ATG7: variants seen among roughly 807,000 people sequenced by gnomAD.
ATG7 encodes the protein ubiquitin-like modifier-activating enzyme ATG7.
ATG7 carries 70 observed loss-of-function variants against 82.4 expected under a neutral mutation model. The observed-to-expected ratio is 0.85, with a 90% confidence interval of 0.70 to 1.04. The LOEUF (loss-of-function observed/expected upper bound fraction) is 1.04, where lower values mean the gene tolerates loss of function less well. ATG7 is among the 50% of genes least tolerant of loss of function. The pLI is 0.00. For synonymous variants in ATG7, 287 were observed against 313.0 expected (o/e 0.92, Z 0.88); for missense variants, 792 against 864.3 (o/e 0.92, Z 1.05).
intron 14 of ATG7, among the ~76,000 whole-genome samples, chr3:11,354,637 G>C (rs2075804320): frequency 9.2e-6 from 1 of 108,120 alleles, no homozygotes; most frequent in South Asian, 3.5e-4. Context: ...CACAGAGTGA[G>C]ACTCCATCTC....
chr3:11,308,205 A>G (rs1295321024), intron 6 of ATG7, among the ~76,000 whole-genome samples: 1 of 152,322 alleles, frequency 6.6e-6, no homozygotes, highest in East Asian at 1.9e-4. Context: ...ACCCACACTT[A>G]GGGAATGATT....
chr3:11,572,395 A>G, the ATG7 span, among the ~76,000 whole-genome samples: 1 of 152,076 alleles, frequency 6.6e-6, no homozygotes, highest in South Asian at 2.1e-4. Flanking sequence ...AAATACAAAG[A>G]CTCGTGTACC....
At chr3:11,478,989 A>AACAC (rs71628717) in intron 20 of ATG7, among the ~76,000 whole-genome samples, 1,316 of 72,792 alleles carry the variant, frequency 0.018, 18 homozygotes, top group South Asian at 0.017. Context: ...GTATATTTAC[A>AACAC]ACACACACAC....
chr3:11,576,199 C>T, the ATG7 span, among the ~76,000 whole-genome samples: 1 of 152,164 alleles, frequency 6.6e-6, no homozygotes, highest in Non-Finnish European at 1.5e-5. Context: ...TGCCCACCTG[C>T]GGCCATGACC....
chr3:11,333,026 G>C lies in ATG7; in HGVS notation c.822G>C (p.Gln274His). 6.3e-7 allele frequency: 1 copy of C among 1,576,606 alleles called. No individual in the cohort carries two copies. The highest frequency in any genetic ancestry group is 8.6e-7 in the Non-Finnish European group (1 of 1,160,714). Residue 274 changes from glutamine to histidine, a missense_variant, in exon 11 of 21, where the codon CAG (glutamine) becomes CAC (histidine). Coordinates refer to ENST00000693202, the MANE Select transcript of ATG7 (RefSeq NM_001349232.2). ...TTTGCTTCCGTGACCGTACCATGCA[G>C]GGGGCGAGAGACGTTGCCCACAGCA... ...EVVCFRDRTM[Q>H]GARDVAHSII...
intron 20 of ATG7, among the ~76,000 whole-genome samples, chr3:11,455,989 A>C (rs543681148): frequency 2.6e-5 from 4 of 152,226 alleles, no homozygotes; most frequent in Non-Finnish European, 4.4e-5. Context: ...ATTTAGATGT[A>C]ATTCATATGC....
intron 3 of ATG7, among the ~76,000 whole-genome samples, chr3:11,297,721 G>T (rs1946176050): frequency 1.3e-5 from 2 of 152,174 alleles, no homozygotes; most frequent in African/African-American, 4.8e-5. Context: ...GAGGTGGGGA[G>T]AAGCATATCC....
chr3:11,430,387 A>G (rs2082762864), intron 20 of ATG7, among the ~76,000 whole-genome samples: 1 of 152,156 alleles, frequency 6.6e-6, no homozygotes, highest in African/African-American at 2.4e-5. Context: ...TACATACTTG[A>G]TTCTCAATGC....
chr3:11,568,741 G>C, the ATG7 span: 1 of 1,529,872 alleles, frequency 6.5e-7, no homozygotes, highest in African/African-American at 1.4e-5. The surrounding 1 kb of genome is among the most constrained non-coding windows in gnomAD (Gnocchi z 5.9). Flanking sequence ...AAAACCGCAC[G>C]CATCCTGCCC....
At chr3:11,445,134 A>G (rs956616179) in intron 20 of ATG7, among the ~76,000 whole-genome samples, 15 of 152,354 alleles carry the variant, frequency 9.8e-5, no homozygotes, top group Admixed American at 4.6e-4. Context: ...CGTTGTAGAA[A>G]GCAGTGTGGA....
intron 3 of ATG7, among the ~76,000 whole-genome samples, chr3:11,291,428 G>A (rs1264393204): frequency 1.3e-5 from 2 of 152,186 alleles, no homozygotes; most frequent in Non-Finnish European, 2.9e-5. Context: ...ATATAGTGAC[G>A]AGAACAGGGG....
At chr3:11,325,338 G>A (rs936674165) in intron 9 of ATG7, among the ~76,000 whole-genome samples, 4 of 152,134 alleles carry the variant, frequency 2.6e-5, no homozygotes, top group African/African-American at 7.2e-5. Flanking sequence ...TTTGTTAAGC[G>A]CTGGCCTCAT....
At chr3:11,471,992 C>T (rs1199587445) in intron 20 of ATG7, among the ~76,000 whole-genome samples, 1 of 152,018 alleles carries the variant, frequency 6.6e-6, no homozygotes, top group Non-Finnish European at 1.5e-5. Context: ...TCCACTTGGC[C>T]TCCCAAAGTG....
chr3:11,394,733 A>G (rs1181982131), intron 19 of ATG7, among the ~76,000 whole-genome samples: 1 of 152,236 alleles, frequency 6.6e-6, no homozygotes, highest in Non-Finnish European at 1.5e-5. Context: ...TGGCCCGGAA[A>G]CCGTAAGGCT....
At chr3:11,443,779 G>A (rs1349306633) in intron 20 of ATG7, among the ~76,000 whole-genome samples, 1 of 152,158 alleles carries the variant, frequency 6.6e-6, no homozygotes, top group Non-Finnish European at 1.5e-5. Context: ...CAAAGATCAA[G>A]AAAATTTCCC....
At chr3:11,339,912 A>T (rs1453462145) in intron 11 of ATG7, among the ~76,000 whole-genome samples, 1 of 152,152 alleles carries the variant, frequency 6.6e-6, no homozygotes, top group Non-Finnish European at 1.5e-5. Flanking sequence ...GATATAGAAG[A>T]CAGATATAAG....
rs1953773494 is a variant in ATG7, at chr3:11,342,297, G to T, written c.1125+18G>T. 1.2e-6 allele frequency: 2 copies of T among 1,600,010 alleles called. No homozygotes were observed. The highest frequency in any genetic ancestry group is 2.3e-5 in the East Asian group (1 of 44,234). On this transcript the variant is annotated intron_variant, in intron 13 of 20. Coordinates refer to ENST00000693202, the MANE Select transcript of ATG7 (RefSeq NM_001349232.2). The stretch of plus-strand genomic sequence containing the variant: ...CGTTGATGGTAAGTCGGAGGTGGGG[G>T]GTGCAAATGGCACCTTTGAAGTTGT...
At chr3:11,310,452 G>A (rs1948467625) in intron 7 of ATG7, among the ~76,000 whole-genome samples, 1 of 152,130 alleles carries the variant, frequency 6.6e-6, no homozygotes, top group Non-Finnish European at 1.5e-5. Context: ...CAAGGCAAAG[G>A]AGGGTATGAT....
chr3:11,463,244 T>G (rs1253232875), intron 20 of ATG7, among the ~76,000 whole-genome samples: 1 of 152,154 alleles, frequency 6.6e-6, no homozygotes, highest in Non-Finnish European at 1.5e-5. Context: ...ACTACTGACT[T>G]CAGCTTGCAG....
Sources: gnomAD v4.1 joint callset for allele counts (sites outside exome capture counted in the v4.1 genomes callset) on GRCh38, gnomAD v4.1.1 for gene constraint, Gnocchi (gnomAD v3.1) non-coding constraint, MANE v1.5 for transcripts, NCBI Gene and HGNC (gene_info 2026-07-23, HGNC 2026-07-21) for gene names.